IL23R: variants seen among roughly 807,000 people sequenced by gnomAD.
IL23R encodes the protein interleukin 23 receptor.
IL23R carries 34 observed loss-of-function variants against 56.9 expected under a neutral mutation model. That is an observed-to-expected ratio of 0.60 (90% CI 0.45 to 0.80). IL23R has a LOEUF of 0.80. Among genes scored for constraint, IL23R ranks in the 30% least tolerant of loss-of-function variants. The probability of loss-of-function intolerance (pLI) is 0.00; values close to 1 mark genes in which losing one functional copy is unlikely to be tolerated. For synonymous variants in IL23R, 230 were observed against 249.2 expected (o/e 0.92, Z 0.73); for missense variants, 635 against 730.0 (o/e 0.87, Z 1.50).
Position 67,229,564 on chromosome 1 carries a change from G to T in IL23R, c.956-7149G>T, listed in dbSNP as rs140390173. ...TCCCCTCTCCCCTCTGGGAGGTTGG[G>T]GATGGGTTGAAAAATCCCAACCTTC... On this transcript the variant is annotated intron_variant, in intron 7 of 10. Coordinates refer to ENST00000347310, the MANE Select transcript of IL23R (RefSeq NM_144701.3). Among the ~76,000 whole-genome samples the T allele has an allele frequency of 7.1e-4, 108 of 152,222 alleles. 1 individual carries two copies. The highest frequency in any genetic ancestry group is 2.5e-3 in the African/African-American group (103 of 41,516).
chr1:67,262,950 C>T (rs892498915), downstream of IL23R, among the ~76,000 whole-genome samples: 4 of 152,024 alleles, frequency 2.6e-5, no homozygotes, highest in African/African-American at 4.8e-5. Flanking sequence ...TAAGGAATAT[C>T]GTTTCCTCCT....
intron 7 of IL23R, among the ~76,000 whole-genome samples, chr1:67,227,396 C>T (rs1650689912): frequency 6.6e-6 from 1 of 151,016 alleles, no homozygotes; most frequent in Non-Finnish European, 1.5e-5. Context: ...TTGCTGCTTG[C>T]CATAGAAAAG....
chr1:67,146,395 A>G (rs1646679550), intron 1 of IL23R, among the ~76,000 whole-genome samples: 1 of 152,192 alleles, frequency 6.6e-6, no homozygotes, highest in South Asian at 2.1e-4. Flanking sequence ...TGTTGTCATG[A>G]ATACTGCTGA....
At chr1:67,250,326 T>A (rs573422881) in intron 9 of IL23R, among the ~76,000 whole-genome samples, 1 of 152,324 alleles carries the variant, frequency 6.6e-6, no homozygotes, top group South Asian at 2.1e-4. Context: ...CATCCCTCTT[T>A]TTAAGCAACC....
rs377704323 is a variant in IL23R, at chr1:67,178,971, T to C, written c.368-3865T>C. 3.9e-5 allele frequency among the ~76,000 whole-genome samples: 6 copies of C among 152,230 alleles called. No individual in the cohort carries two copies. The South Asian group carries it at 1.0e-3, about 26-fold the overall frequency. On this transcript the variant is annotated intron_variant, in intron 3 of 10. Transcript: ENST00000347310. ...CTTGCCTCCCAGGGAGGAAGCCCAC[T>C]TGATCATGGTGGATAAGCTTTTTGA...
intron 1 of IL23R, among the ~76,000 whole-genome samples, chr1:67,144,691 A>G (rs1038794519): frequency 6.6e-6 from 1 of 152,184 alleles, no homozygotes; most frequent in Non-Finnish European, 1.5e-5. Context: ...ATTTGGTTGT[A>G]ACTATGTGGG....
intron 7 of IL23R, among the ~76,000 whole-genome samples, chr1:67,233,136 G>T (rs1006151696): frequency 7.0e-6 from 1 of 143,222 alleles, no homozygotes; most frequent in Non-Finnish European, 1.5e-5. Flanking sequence ...ATCACCTGAG[G>T]TCAGGAGTTC....
In IL23R at chr1:67,240,300, T is replaced by C. The variant is rs1651766149; in HGVS notation, c.1148+19T>C. 1.3e-6 allele frequency: 2 copies of C among 1,540,112 alleles called. No individual in the cohort carries two copies. Among genetic ancestry groups the C allele is most frequent in the Non-Finnish European group, 9.0e-7 (1 of 1,113,608 alleles). On this transcript the variant is annotated intron_variant, in intron 9 of 10. Coordinates refer to ENST00000347310, the MANE Select transcript of IL23R (RefSeq NM_144701.3). The stretch of plus-strand genomic sequence containing the variant: ...GAACTGGGTAGGTTTTTGCAGAATT[T>C]CTGTTTTCTGATTTAGACTACATGT...
intron 1 of IL23R, among the ~76,000 whole-genome samples, chr1:67,144,852 T>A (rs1238027629): frequency 6.6e-6 from 1 of 152,202 alleles, no homozygotes; most frequent in Non-Finnish European, 1.5e-5. Flanking sequence ...ATTCCTGGAT[T>A]AATATTTCTC....
intron 1 of IL23R, among the ~76,000 whole-genome samples, chr1:67,145,353 C>A (rs1379588186): frequency 6.6e-6 from 1 of 152,010 alleles, no homozygotes; most frequent in Non-Finnish European, 1.5e-5. Context: ...GTCTCAAATA[C>A]GTACATAAAA....
intron 3 of IL23R, among the ~76,000 whole-genome samples, chr1:67,179,371 T>C (rs758672909): frequency 6.6e-6 from 1 of 152,232 alleles, no homozygotes; most frequent in Non-Finnish European, 1.5e-5. Flanking sequence ...CAGGAATTTA[T>C]CCATTTCTTC....
chr1:67,217,320 A>T (rs1649911456), intron 6 of IL23R, among the ~76,000 whole-genome samples: 1 of 152,052 alleles, frequency 6.6e-6, no homozygotes, highest in Non-Finnish European at 1.5e-5. Flanking sequence ...GCCTCCAAAG[A>T]TATCATCCTG....
chr1:67,151,766 T>C (rs1365889050), intron 1 of IL23R, among the ~76,000 whole-genome samples: 1 of 152,194 alleles, frequency 6.6e-6, no homozygotes, highest in African/African-American at 2.4e-5. Flanking sequence ...GTTGTAGATA[T>C]GTGGTGTTGT....
intron 7 of IL23R, among the ~76,000 whole-genome samples, chr1:67,232,127 A>G (rs930181453): frequency 1.3e-5 from 2 of 152,216 alleles, no homozygotes; most frequent in African/African-American, 2.4e-5. Context: ...TTTTTAAATA[A>G]TAGTTTCTAG....
chr1:67,222,069 T>A (rs1650291142), intron 7 of IL23R, among the ~76,000 whole-genome samples: 1 of 151,038 alleles, frequency 6.6e-6, no homozygotes, highest in Admixed American at 6.6e-5. Context: ...AAACAACTTA[T>A]TAGGGAATCC....
chr1:67,152,296 T>G (rs1646735331), intron 1 of IL23R, among the ~76,000 whole-genome samples: 1 of 152,102 alleles, frequency 6.6e-6, no homozygotes, highest in East Asian at 1.9e-4. Context: ...TGCTTGTGAT[T>G]TTGATTGATT....
intron 9 of IL23R, among the ~76,000 whole-genome samples, chr1:67,254,593 A>G (rs916698712): frequency 3.5e-4 from 53 of 152,164 alleles, no homozygotes; most frequent in African/African-American, 1.2e-3. Flanking sequence ...TAAAGAAATA[A>G]TATTTACCCT....
intron 7 of IL23R, among the ~76,000 whole-genome samples, chr1:67,233,220 G>T (rs1432395745): frequency 3.2e-5 from 2 of 61,848 alleles, no homozygotes; most frequent in Non-Finnish European, 7.2e-5. Flanking sequence ...AAAAAAAAAA[G>T]CCACGCGTGG....
intron 3 of IL23R, among the ~76,000 whole-genome samples, chr1:67,182,293 G>A (rs936231337): frequency 6.6e-6 from 1 of 152,200 alleles, no homozygotes; most frequent in Admixed American, 6.5e-5. Flanking sequence ...CCCAGTTCGA[G>A]CTTCCCAGCC....
Sources: allele counts gnomAD v4.1 joint callset (sites outside exome capture counted in the v4.1 genomes callset), GRCh38; gene constraint gnomAD v4.1.1; transcripts MANE v1.5; gene names NCBI Gene and HGNC (gene_info 2026-07-23, HGNC 2026-07-21).